Variants in MGAM observed in about 807,000 individuals in gnomAD.
MGAM encodes maltase-glucoamylase.
Under a neutral mutation model 358.8 loss-of-function variants are expected in MGAM, and 253 were observed. That is an observed-to-expected ratio of 0.71 (90% CI 0.64 to 0.78). The LOEUF is 0.78. MGAM is among the 30% of genes least tolerant of loss of function. The pLI is 0.00. For synonymous variants in MGAM, 1,105 were observed against 1,227.1 expected, an observed-to-expected ratio of 0.90 and a Z score of 2.08; for missense variants, 3,080 against 3,432.6, an observed-to-expected ratio of 0.90 and a Z score of 2.57.
chr7:142,092,171 G>T, intron 58 of MGAM, 124 bp downstream of exon 58: 1 of 1,294,334 alleles, frequency 7.7e-7, no homozygotes, highest in Non-Finnish European at 1.1e-6. Flanking sequence ...GGACATATCA[G>T]ACACTTCCTC....
intron 37 of MGAM, 23 bp from the exon 38 acceptor site, chr7:142,065,312 A>T: frequency 6.2e-7 from 1 of 1,600,094 alleles, no homozygotes; most frequent in Non-Finnish European, 8.5e-7. Flanking sequence ...GCCTCAGTTC[A>T]CCTCCTGTTC....
In MGAM at chr7:142,036,300, A is replaced by G; in HGVS notation, c.2076+15A>G. ...AAGGCTACAAGGTAAGGCTCCTAGG[A>G]CATAGAGTCAGAATAAATTTGGCAT... is the stretch of plus-strand genomic sequence containing the variant. On this transcript the variant is annotated intron_variant, in intron 17 of 70. Coordinates refer to ENST00000475668, the MANE Select transcript of MGAM (RefSeq NM_001365693.1). 1 of 1,565,784 alleles carries G rather than the reference A, an allele frequency of 6.4e-7. No homozygotes were observed. The highest frequency in any genetic ancestry group is 8.7e-7 in the Non-Finnish European group (1 of 1,146,996).
intron 10 of MGAM, 70 bp from the exon 11 acceptor site, chr7:142,030,290 CAG>C (rs1395583428): frequency 2.1e-6 from 3 of 1,454,982 alleles, no homozygotes; most frequent in African/African-American, 2.8e-5. Flanking sequence ...TGAATAATAA[CAG>C]TGAAAATTTG....
chr7:142,004,440 A>G (rs1251637162), intron 1 of MGAM: 1 of 152,040 alleles, frequency 6.6e-6, no homozygotes, highest in Non-Finnish European at 1.5e-5. Context: ...TGACCCAGAA[A>G]CAGAAAGTAA....
chr7:142,082,451 C>A, intron 51 of MGAM, 24 bp from the exon 52 acceptor site: 1 of 1,462,096 alleles, frequency 6.8e-7, no homozygotes, highest in Non-Finnish European at 9.4e-7. Flanking sequence ...TAAACTCCTA[C>A]TGCTTCTCCC....
upstream of MGAM, among the ~76,000 whole-genome samples, chr7:141,995,464 C>T (rs935625809): frequency 3.9e-5 from 6 of 152,140 alleles, no homozygotes; most frequent in Non-Finnish European, 8.8e-5. Context: ...AACTTCCTTC[C>T]ATCACAATCA....
intron 26 of MGAM, 48 bp from the exon 27 acceptor site, chr7:142,054,706 G>A (rs776508254): frequency 2.2e-5 from 36 of 1,603,376 alleles, no homozygotes; most frequent in Non-Finnish European, 2.9e-5. Flanking sequence ...TAAGGGTATA[G>A]GTTTCAAGAG....
intron 3 of MGAM, among the ~76,000 whole-genome samples, chr7:142,014,477 CT>C (rs1374550734): frequency 1.3e-5 from 2 of 152,004 alleles, no homozygotes; most frequent in African/African-American, 2.4e-5. Context: ...ATAGCGTTAA[CT>C]TCTTTGAAAT....
intron 6 of MGAM, 144 bp from the exon 7 acceptor site, chr7:142,022,124 A>G (rs1554459090): frequency 1.3e-6 from 1 of 766,036 alleles, no homozygotes. Context: ...CTTGTTTTCC[A>G]TAGAAAAATG....
Position 142,074,060 on chromosome 7 carries a change from G to A in MGAM, c.5187-25G>A, listed in dbSNP as rs1346393944. The A allele has an allele frequency of 2.7e-6, 4 of 1,466,026 alleles. 1 individual carries two copies. The highest frequency in any genetic ancestry group is 3.8e-6 in the Non-Finnish European group (4 of 1,055,818). 90.8% of individuals were successfully genotyped at this position (1,466,026 alleles called of 1,614,324 possible). A position where few individuals can be genotyped will look rare whatever the true frequency, so the allele number is the denominator to read the frequency against. ...GCAAAATTGTCTGACTCCTGTCTTT[G>A]TCTCTTGAATCTTGTTCCCCACAGT... On this transcript the variant is annotated intron_variant, in intron 44 of 70. Coordinates refer to ENST00000475668, the MANE Select transcript of MGAM (RefSeq NM_001365693.1).
upstream of MGAM, among the ~76,000 whole-genome samples, chr7:141,994,387 G>T (rs1481648425): frequency 2.6e-5 from 4 of 152,170 alleles, no homozygotes; most frequent in Admixed American, 1.3e-4. Context: ...AGGGTACTTT[G>T]GTGGGCATGG....
chr7:141,990,992 A>G (rs1236047287), upstream of MGAM, among the ~76,000 whole-genome samples: 1 of 152,144 alleles, frequency 6.6e-6, no homozygotes, highest in Non-Finnish European at 1.5e-5. Context: ...CTATGAGGTC[A>G]TGGAGGAATC....
At chr7:142,098,547 C>CA (rs1428683466) in intron 66 of MGAM, among the ~76,000 whole-genome samples, 1 of 152,074 alleles carries the variant, frequency 6.6e-6, no homozygotes, top group Non-Finnish European at 1.5e-5. Context: ...GAAGGATGTG[C>CA]ATTTTGTTCC....
chr7:142,054,849 G>C lies in MGAM; in HGVS notation c.3255G>C (p.Val1085=), dbSNP rs200667889. 5.4e-5 allele frequency: 87 copies of C among 1,613,856 alleles called. 2 individuals are homozygous for C. Among genetic ancestry groups the C allele is most frequent in the African/African-American group, 4.0e-4 (30 of 75,020 alleles). ...SSTPEGQLYD[V]LIKKNPFGIE... Reference sequence around the variant, plus strand: ...CCCCTGAGGGTCAACTCTATGATGTGCTCATTAAGAAGAATCCATTTGGGA... The same window carrying C: ...CCCCTGAGGGTCAACTCTATGATGTCCTCATTAAGAAGAATCCATTTGGGA... Residue 1085 remains valine, a synonymous_variant, in exon 27 of 71, where the codon GTG becomes GTC. Transcript: ENST00000475668.
In MGAM at chr7:142,089,555, C is replaced by A. The variant is rs781121729; in HGVS notation, c.6811-2358C>A. On this transcript the variant is annotated intron_variant, in intron 57 of 70. Coordinates refer to ENST00000475668, the MANE Select transcript of MGAM (RefSeq NM_001365693.1). ...TGGTGGCTCATGCCTGCAATCCCAG[C>A]ACTTTGGGAGGCTGATCACGAGGTC... Among the ~76,000 whole-genome samples the A allele has an allele frequency of 5.6e-4, 82 of 146,268 alleles. 8 individuals carry two copies. The highest frequency in any genetic ancestry group is 8.2e-4 in the Admixed American group (12 of 14,602).
In MGAM at chr7:142,062,489, G is replaced by C. The variant is rs968888976; in HGVS notation, c.4123-79G>C. On this transcript the variant is annotated intron_variant, in intron 34 of 70. Coordinates refer to ENST00000475668, the MANE Select transcript of MGAM (RefSeq NM_001365693.1). ...CACCATGCAGTTGAAGTATTTGTGT[G>C]AGTTGCATTCTCAGTAAGTGCCTGT... 5 of 1,527,138 alleles carry C rather than the reference G, an allele frequency of 3.3e-6. No individual in the cohort carries two copies. In the African/African-American group the frequency reaches 6.9e-5, roughly 21 times the overall value. 94.6% of individuals were successfully genotyped at this position (1,527,138 alleles called of 1,614,324 possible).
rs765118932 is a variant in MGAM, at chr7:142,094,883, C to T, written c.7458+20C>T. The T allele has an allele frequency of 5.0e-6, 8 of 1,608,402 alleles. No homozygotes were observed. The Admixed American group carries it at 1.0e-4, about 20-fold the overall frequency. ...ACCAGGGTAGGACAGTGGCCCCTAC[C>T]TCCAGTGTTTCACTTGAAACACAGC... On this transcript the variant is annotated intron_variant, in intron 63 of 70. Transcript: ENST00000475668.
chr7:142,080,991 T>A, intron 50 of MGAM, 46 bp downstream of exon 50: 1 of 1,461,878 alleles, frequency 6.8e-7, no homozygotes, highest in Non-Finnish European at 9.4e-7. Flanking sequence ...TACCTGCGCC[T>A]TCGCTGCCAG....
intron 1 of MGAM, among the ~76,000 whole-genome samples, chr7:142,000,499 C>G (rs1804645800): frequency 6.6e-6 from 1 of 152,162 alleles, no homozygotes; most frequent in Admixed American, 6.5e-5. Flanking sequence ...AAGTGAGTCA[C>G]TAAGTCCAGC....
Sources: allele counts gnomAD v4.1 joint callset (sites outside exome capture counted in the v4.1 genomes callset), GRCh38; gene constraint gnomAD v4.1.1; transcripts MANE v1.5; gene names NCBI Gene and HGNC (gene_info 2026-07-23, HGNC 2026-07-21).